The following NSUN6 variants were observed in gnomAD, a reference collection of about 807,000 sequenced individuals.
NSUN6 encodes tRNA (cytosine(72)-C(5))-methyltransferase NSUN6.
In NSUN6, 64 loss-of-function variants were observed where a neutral mutation model predicts 58.0. The ratio of observed to expected loss-of-function variants is 1.10; its 90% CI spans 0.90 to 1.36. The LOEUF is 1.36. NSUN6 is among the 40% of genes most tolerant of loss of function. The pLI is 0.00. For synonymous variants in NSUN6, 231 were observed against 193.9 expected (o/e 1.19, Z -1.59); for missense variants, 701 against 550.1 (o/e 1.27, Z -2.74).
chr10:18,614,947 A>G (rs1479136991), intron 4 of NSUN6, among the ~76,000 whole-genome samples: 2 of 152,086 alleles, frequency 1.3e-5, no homozygotes, highest in Non-Finnish European at 2.9e-5. Context: ...CTCAGCTCAA[A>G]CCTCAAAGTT....
intron 5 of NSUN6, among the ~76,000 whole-genome samples, chr10:18,613,630 G>A (rs1460582041): frequency 1.3e-5 from 2 of 152,086 alleles, no homozygotes; most frequent in African/African-American, 2.4e-5. Flanking sequence ...TATTCATGAA[G>A]CCTTCTAAAA....
chr10:18,635,047 C>T (rs957666725), intron 3 of NSUN6, among the ~76,000 whole-genome samples: 1 of 152,182 alleles, frequency 6.6e-6, no homozygotes, highest in Non-Finnish European at 1.5e-5. Flanking sequence ...TTATTCGGAA[C>T]ACCTGCTTTC....
chr10:18,578,467 C>A (rs1244012861), intron 8 of NSUN6, among the ~76,000 whole-genome samples: 1 of 151,948 alleles, frequency 6.6e-6, no homozygotes, highest in Non-Finnish European at 1.5e-5. Flanking sequence ...ATCCTGTAAG[C>A]CTTTCGGTTG....
chr10:18,607,085 T>G (rs528067734), intron 6 of NSUN6, among the ~76,000 whole-genome samples: 1 of 152,314 alleles, frequency 6.6e-6, no homozygotes, highest in East Asian at 1.9e-4. Context: ...TATCAGCATC[T>G]ATTGCAATGA....
At chr10:18,552,514 TCTAA>T (rs1490472647) in intron 8 of NSUN6, among the ~76,000 whole-genome samples, 1 of 152,184 alleles carries the variant, frequency 6.6e-6, no homozygotes, top group Admixed American at 6.6e-5. Flanking sequence ...AGTAATTTTC[TCTAA>T]CTTCTAATCT....
At chr10:18,638,406 C>T (rs1342509043) in intron 3 of NSUN6, among the ~76,000 whole-genome samples, 1 of 152,160 alleles carries the variant, frequency 6.6e-6, no homozygotes, top group Non-Finnish European at 1.5e-5. Context: ...CGTGCCACTG[C>T]ACTCCAGCCT....
At chr10:18,647,504 C>G (rs1360495753) in intron 2 of NSUN6, among the ~76,000 whole-genome samples, 1 of 152,034 alleles carries the variant, frequency 6.6e-6, no homozygotes, top group African/African-American at 2.4e-5. Context: ...AGAGTATATA[C>G]AAGATAACTC....
chr10:18,611,974 T>C lies in NSUN6; in HGVS notation c.576-2048A>G, dbSNP rs535251559. ...TCATTTGTTTACCACTTGAAATCCA[T>C]GAATGTACACTTTTAATCAGAGGTA... is the stretch of plus-strand genomic sequence containing the variant. On this transcript the variant is annotated intron_variant, in intron 5 of 10. Transcript: ENST00000377304. 2.0e-5 allele frequency among the ~76,000 whole-genome samples: 3 copies of C among 152,294 alleles called. No individual in the cohort carries two copies. The South Asian group carries it at 6.2e-4, about 32-fold the overall frequency.
intron 8 of NSUN6, among the ~76,000 whole-genome samples, chr10:18,554,106 G>A (rs1367129921): frequency 1.3e-5 from 2 of 150,586 alleles, no homozygotes; most frequent in African/African-American, 4.9e-5. Flanking sequence ...GGAATGGACA[G>A]GAATGGAGAA....
intron 8 of NSUN6, among the ~76,000 whole-genome samples, chr10:18,578,244 T>TG (rs917265362): frequency 7.3e-5 from 11 of 149,812 alleles, no homozygotes; most frequent in Admixed American, 6.7e-5. Context: ...TTTTTTTTTT[T>TG]TTTTTTGAGA....
chr10:18,611,572 C>G (rs1158591943), intron 5 of NSUN6, among the ~76,000 whole-genome samples: 2 of 152,158 alleles, frequency 1.3e-5, no homozygotes, highest in Non-Finnish European at 2.9e-5. Flanking sequence ...CTCTGTCACG[C>G]AGGCTGGAGC....
In NSUN6 at chr10:18,585,958, C is replaced by T; in HGVS notation, c.913G>A (p.Asp305Asn). Residue 305 changes from aspartate (D) to asparagine (N), a missense_variant, in exon 8 of 11, where the codon GAC (aspartate) becomes AAC (asparagine). By Grantham distance (23) the Asp-to-Asn change is conservative. Coordinates refer to ENST00000377304, the MANE Select transcript of NSUN6 (RefSeq NM_182543.5). The stretch of plus-strand genomic sequence containing the variant: ...AATCAAAATAGCTCACCTTCTGTGT[C>T]CTCCACCATATCAAGTTTAACCGCC... ...TKAVKLDMVE[D>N]TEGEPPFLPE... is the part of the protein sequence containing the mutation. 6.2e-7 allele frequency: 1 copy of T among 1,602,324 alleles called. No individual in the cohort carries two copies. The highest frequency in any genetic ancestry group is 8.5e-7 in the Non-Finnish European group (1 of 1,176,832).
chr10:18,619,571 A>G (rs547236172), intron 3 of NSUN6, among the ~76,000 whole-genome samples: 1 of 152,244 alleles, frequency 6.6e-6, no homozygotes, highest in Non-Finnish European at 1.5e-5. Flanking sequence ...AACCTCTAAT[A>G]TATCAACTAC....
At chr10:18,560,935 A>G (rs1375216017) in intron 8 of NSUN6, among the ~76,000 whole-genome samples, 3 of 151,310 alleles carry the variant, frequency 2.0e-5, no homozygotes, top group African/African-American at 7.3e-5. Context: ...CATAGAATGG[A>G]ATGGAGCATG....
chr10:18,573,128 G>A (rs775970702), intron 8 of NSUN6, among the ~76,000 whole-genome samples: 24 of 128,358 alleles, frequency 1.9e-4, no homozygotes, highest in East Asian at 7.0e-4. Flanking sequence ...CCATTCCATC[G>A]TCCATTCCGT....
intron 3 of NSUN6, among the ~76,000 whole-genome samples, chr10:18,619,007 C>G (rs776023976): frequency 2.0e-5 from 3 of 152,302 alleles, no homozygotes; most frequent in Admixed American, 6.5e-5. Flanking sequence ...CCGATCTCAG[C>G]TGATCTTGGA....
At chr10:18,654,119 C>T (rs528382797), upstream of NSUN6, among the ~76,000 whole-genome samples, 3 of 152,106 alleles carry the variant, frequency 2.0e-5, no homozygotes, top group Admixed American at 1.3e-4. Flanking sequence ...TCACTGCCCT[C>T]GAGTCTCACT....
At chr10:18,584,361 C>A (rs12766314) in intron 8 of NSUN6, among the ~76,000 whole-genome samples, 29,493 of 152,156 alleles carry the variant, frequency 0.19, 3,127 homozygotes, top group South Asian at 0.31. Context: ...ACGCAGGATG[C>A]TGTATGCCTC....
intron 3 of NSUN6, among the ~76,000 whole-genome samples, chr10:18,628,323 C>T: frequency 6.6e-6 from 1 of 152,098 alleles, no homozygotes; most frequent in East Asian, 1.9e-4. Flanking sequence ...AGCAGAAAAA[C>T]TGGAAACTCT....
Sources: allele counts gnomAD v4.1 joint callset (sites outside exome capture counted in the v4.1 genomes callset), GRCh38; gene constraint gnomAD v4.1.1; transcripts MANE v1.5; gene names NCBI Gene and HGNC (gene_info 2026-07-23, HGNC 2026-07-21).